PDGFRL: variants seen among roughly 807,000 people sequenced by gnomAD.
The protein encoded by PDGFRL is platelet derived growth factor receptor like.
A neutral mutation model predicts 37.2 loss-of-function variants in PDGFRL; 46 were observed. The observed-to-expected ratio is 1.24, with a 90% CI of 0.98 to 1.58. The LOEUF (loss-of-function observed/expected upper bound fraction) is 1.58, where lower values mean the gene tolerates loss of function less well. PDGFRL is among the 40% of genes most tolerant of loss of function. PDGFRL has a pLI of 0.00. For missense variants in PDGFRL, 692 were observed against 467.6 expected, an observed-to-expected ratio of 1.48 and a Z score of -4.43; for synonymous variants, 251 against 184.3, an observed-to-expected ratio of 1.36 and a Z score of -2.93.
At chr8:17,616,276 C>T (rs1804525804) in intron 2 of PDGFRL, among the ~76,000 whole-genome samples, 1 of 152,082 alleles carries the variant, frequency 6.6e-6, no homozygotes, top group Non-Finnish European at 1.5e-5. Flanking sequence ...CTCACTGCAA[C>T]CTCCGCCTCC....
At chr8:17,623,939 G>C (rs1370436021) in intron 3 of PDGFRL, among the ~76,000 whole-genome samples, 1 of 148,348 alleles carries the variant, frequency 6.7e-6, no homozygotes, top group Non-Finnish European at 1.5e-5. Context: ...TTTTTTAACT[G>C]AACTAATTTT....
chr8:17,587,197 AG>A (rs1467259843), intron 1 of PDGFRL, among the ~76,000 whole-genome samples: 2 of 152,192 alleles, frequency 1.3e-5, no homozygotes, highest in East Asian at 3.9e-4. Flanking sequence ...CCAGCTATAC[AG>A]TTAGATCAGC....
At chr8:17,595,831 C>T (rs190306332) in intron 2 of PDGFRL, among the ~76,000 whole-genome samples, 49 of 152,294 alleles carry the variant, frequency 3.2e-4, no homozygotes, top group South Asian at 8.3e-4. Flanking sequence ...GCCTGCCCTT[C>T]GAGGCTGAGC....
rs111733670 is a variant in PDGFRL at position 17,635,976 on chromosome 8, C to T, written c.939+1763C>T. Among the ~76,000 whole-genome samples, 11 of 152,054 alleles carry T rather than the reference C, an allele frequency of 7.2e-5. 1 individual carries two copies. The East Asian group carries it at 2.1e-3, about 29-fold the overall frequency. On this transcript the variant is annotated intron_variant, in intron 5 of 5. Transcript: ENST00000251630. ...CAATTTTTGATGGGATTGTTATTTT[C>T]TTGCTGATTTGTTTGAGTTCCTTGT...
At chr8:17,607,714 C>G (rs1022075827) in intron 2 of PDGFRL, among the ~76,000 whole-genome samples, 3 of 152,124 alleles carry the variant, frequency 2.0e-5, no homozygotes, top group African/African-American at 7.2e-5. Flanking sequence ...GGATTTAATG[C>G]TCAAATGTAA....
chr8:17,618,304 C>T (rs1346090578), intron 2 of PDGFRL, among the ~76,000 whole-genome samples: 3 of 152,288 alleles, frequency 2.0e-5, no homozygotes, highest in African/African-American at 2.4e-5. Flanking sequence ...GATCCTCCTG[C>T]CTCAGCCTCC....
chr8:17,589,373 A>C (rs1803882328), intron 1 of PDGFRL, 95 bp from the exon 2 acceptor site: 3 of 860,854 alleles, frequency 3.5e-6, no homozygotes, highest in Non-Finnish European at 5.3e-6. Flanking sequence ...GCAATAGAGT[A>C]AGAATCTGTC....
At chr8:17,582,580 CAAAAAA>C (rs541086616) in intron 1 of PDGFRL, among the ~76,000 whole-genome samples, 1 of 107,082 alleles carries the variant, frequency 9.3e-6, no homozygotes. Context: ...GACTCTGTCT[CAAAAAA>C]AAAAAAAAAA....
chr8:17,598,209 A>G lies in PDGFRL; in HGVS notation c.353+8444A>G, dbSNP rs542871304. On this transcript the variant is annotated intron_variant, in intron 2 of 5. Transcript: ENST00000251630. ...AAGCCAGAGGCTGAGGCACAGCTAG[A>G]TTTGAATCTTCCGTTTATTACTAAC... Among the ~76,000 whole-genome samples the G allele has an allele frequency of 2.0e-5, 3 of 152,354 alleles. No individual in the cohort carries two copies. In the South Asian group the frequency reaches 6.2e-4, roughly 32 times the overall value.
At chr8:17,638,786 T>TATATATATATA (rs751775328) in intron 5 of PDGFRL, among the ~76,000 whole-genome samples, 1 of 102,828 alleles carries the variant, frequency 9.7e-6, no homozygotes, top group Non-Finnish European at 1.9e-5. Flanking sequence ...TATATATATA[T>TATATATATATA]AATTGTGATA....
intron 2 of PDGFRL, among the ~76,000 whole-genome samples, chr8:17,618,798 C>T (rs1036202124): frequency 5.9e-5 from 9 of 152,162 alleles, no homozygotes; most frequent in Non-Finnish European, 1.3e-4. Flanking sequence ...CAGTTCAGTT[C>T]CTGCCTCAAA....
intron 2 of PDGFRL, among the ~76,000 whole-genome samples, chr8:17,601,040 T>G (rs1381577502): frequency 6.6e-6 from 1 of 152,206 alleles, no homozygotes; most frequent in Non-Finnish European, 1.5e-5. Flanking sequence ...CATCCTCCTG[T>G]GTCCTTCAGT....
intron 2 of PDGFRL, among the ~76,000 whole-genome samples, chr8:17,595,364 A>T (rs1804029525): frequency 6.6e-6 from 1 of 151,952 alleles, no homozygotes; most frequent in Non-Finnish European, 1.5e-5. Context: ...GGCCCAGCTC[A>T]TATCCCTGAT....
chr8:17,594,441 A>C (rs190154766), intron 2 of PDGFRL, among the ~76,000 whole-genome samples: 1 of 151,956 alleles, frequency 6.6e-6, no homozygotes, highest in Non-Finnish European at 1.5e-5. Context: ...GGGTTTCACT[A>C]TGATGGCCAG....
At chr8:17,635,042 C>A (rs1051537451) in intron 5 of PDGFRL, among the ~76,000 whole-genome samples, 22 of 152,154 alleles carry the variant, frequency 1.4e-4, no homozygotes, top group Non-Finnish European at 1.5e-4. Flanking sequence ...CTCCTGCCCC[C>A]ACCTCAGTCT....
upstream of PDGFRL, chr8:17,577,207 C>T (rs1232534425): frequency 1.1e-5 from 18 of 1,593,118 alleles, no homozygotes; most frequent in East Asian, 2.3e-5. Context: ...GTCCCCGCCC[C>T]GCGCAGCCGC....
intron 4 of PDGFRL, among the ~76,000 whole-genome samples, chr8:17,632,957 T>C (rs1400973191): frequency 6.6e-6 from 1 of 152,218 alleles, no homozygotes. Flanking sequence ...TGTTCTATTC[T>C]GGCCTTTTGG....
chr8:17,615,741 C>G (rs867538514), intron 2 of PDGFRL, among the ~76,000 whole-genome samples: 20 of 152,184 alleles, frequency 1.3e-4, no homozygotes, highest in African/African-American at 4.8e-4. Context: ...GCAGCAAGAC[C>G]CTGTCTCTAC....
chr8:17,632,453 G>T (rs995126014), intron 4 of PDGFRL, among the ~76,000 whole-genome samples: 1 of 151,868 alleles, frequency 6.6e-6, no homozygotes, highest in East Asian at 1.9e-4. Flanking sequence ...GGATTCTCCT[G>T]TCTCAGGCTC....
Sources: allele counts gnomAD v4.1 joint callset (sites outside exome capture counted in the v4.1 genomes callset), GRCh38; gene constraint gnomAD v4.1.1; transcripts MANE v1.5; gene names NCBI Gene and HGNC (gene_info 2026-07-23, HGNC 2026-07-21).